CAPZA2: variants seen among roughly 807,000 people sequenced by gnomAD.
The protein encoded by CAPZA2 is F-actin-capping protein subunit alpha-2.
CAPZA2 carries 13 observed loss-of-function variants against 44.0 expected under a neutral mutation model. The observed-to-expected ratio is 0.30, with a 90% CI of 0.19 to 0.47. The LOEUF is 0.47. Among genes scored for constraint, CAPZA2 ranks in the 20% least tolerant of loss-of-function variants. CAPZA2 has a pLI of 1.00. For synonymous variants in CAPZA2, 94 were observed against 108.2 expected (o/e 0.87, Z 0.81); for missense variants, 244 against 338.6 (o/e 0.72, Z 2.19).
At chr7:116,865,686 C>G (rs1376429053) in intron 1 of CAPZA2, among the ~76,000 whole-genome samples, 1 of 152,130 alleles carries the variant, frequency 6.6e-6, no homozygotes, top group Admixed American at 6.5e-5. Context: ...AAGCAGTCCT[C>G]TCACCTCAGT....
intron 1 of CAPZA2, among the ~76,000 whole-genome samples, chr7:116,880,393 A>ATTTGTT (rs999988154): frequency 1.3e-5 from 2 of 151,820 alleles, no homozygotes; most frequent in African/African-American, 2.4e-5. Context: ...GCCTACTAGA[A>ATTTGTT]TTTGTTTTTG....
chr7:116,874,811 G>GGGC (rs1796601154), intron 1 of CAPZA2: 1 of 152,500 alleles, frequency 6.6e-6, no homozygotes, highest in African/African-American at 2.4e-5. Flanking sequence ...GAATTAGGCT[G>GGGC]GGCACGGTGG....
intron 6 of CAPZA2, among the ~76,000 whole-genome samples, chr7:116,907,285 A>G (rs887092477): frequency 2.0e-5 from 3 of 152,222 alleles, no homozygotes; most frequent in African/African-American, 7.2e-5. Context: ...AATCAATGCC[A>G]TATGTGAATG....
intron 7 of CAPZA2, among the ~76,000 whole-genome samples, chr7:116,910,575 A>G (rs567894157): frequency 6.6e-6 from 1 of 152,150 alleles, no homozygotes; most frequent in Non-Finnish European, 1.5e-5. Flanking sequence ...TGCTCTTCAG[A>G]TACAATTTGT....
chr7:116,900,853 T>A (rs945226339), intron 4 of CAPZA2, among the ~76,000 whole-genome samples: 6 of 152,042 alleles, frequency 3.9e-5, no homozygotes, highest in Admixed American at 3.9e-4. Context: ...GCAAAGGATA[T>A]GAACAGACAC....
chr7:116,879,240 C>T (rs987429844), intron 1 of CAPZA2, among the ~76,000 whole-genome samples: 16 of 151,920 alleles, frequency 1.1e-4, no homozygotes, highest in African/African-American at 3.9e-4. Flanking sequence ...TTTATTCACC[C>T]AAGGTCACAT....
intron 1 of CAPZA2, among the ~76,000 whole-genome samples, chr7:116,885,432 C>T (rs1272766470): frequency 6.6e-6 from 1 of 151,930 alleles, no homozygotes; most frequent in East Asian, 1.9e-4. Flanking sequence ...AAAAATCAAG[C>T]AATCAGTTCT....
chr7:116,868,353 C>G (rs1228087037), intron 1 of CAPZA2, among the ~76,000 whole-genome samples: 1 of 152,168 alleles, frequency 6.6e-6, no homozygotes, highest in Admixed American at 6.5e-5. Context: ...ATATACTTCT[C>G]CCTCAGTGAC....
chr7:116,880,696 C>CTTTTTTTTTTTGTTTTTTTTTTTTTTT (rs1796684162), intron 1 of CAPZA2, among the ~76,000 whole-genome samples: 1 of 24,686 alleles, frequency 4.1e-5, no homozygotes, highest in Non-Finnish European at 8.0e-5. Flanking sequence ...TGTAACCTGC[C>CTTTTTTTTTTTGTTTTTTTTTTTTTTT]TTTTTTTTTT....
intron 1 of CAPZA2, among the ~76,000 whole-genome samples, chr7:116,887,681 A>G (rs1487810947): frequency 6.6e-6 from 1 of 151,962 alleles, no homozygotes; most frequent in Non-Finnish European, 1.5e-5. Flanking sequence ...AAAATACAAA[A>G]AATTAGCTGG....
chr7:116,914,471 G>A (rs1270225659), intron 8 of CAPZA2, among the ~76,000 whole-genome samples: 3 of 107,464 alleles, frequency 2.8e-5, no homozygotes, highest in South Asian at 3.7e-4. Flanking sequence ...ACACACACAC[G>A]TATTTTTTTG....
chr7:116,862,748 C>A (rs2115853844), intron 1 of CAPZA2, 98 bp downstream of exon 1: 1 of 1,339,542 alleles, frequency 7.5e-7, no homozygotes, highest in Non-Finnish European at 1.0e-6. Context: ...CATTGGCCCG[C>A]AGCTGGCCTT....
At chr7:116,875,589 C>G (rs761966242) in intron 1 of CAPZA2, 2 of 151,846 alleles carry the variant, frequency 1.3e-5, no homozygotes, top group Non-Finnish European at 2.9e-5. Context: ...CTCTGTCAGC[C>G]AAGCTGGAGT....
In CAPZA2 at chr7:116,888,188, A is replaced by G. The variant is rs1796787933; in HGVS notation, c.101A>G (p.Asn34Ser). Residue 34 changes from asparagine (N) to serine (S), a missense_variant and splice_region_variant, in exon 2 of 10, where the codon AAT (asparagine) becomes AGT (serine). Physicochemically the swap from Asn to Ser is conservative, Grantham distance 46. Transcript: ENST00000361183. ...APPGEFNEVF[N>S]DVRLLLNNDN... ...CCTGGAGAATTTAATGAGGTTTTCA[A>G]TGGTGAGTGTTTGATTTATAACACT... The G allele has an allele frequency of 6.2e-7, 1 of 1,603,238 alleles. No homozygotes were observed. The highest frequency in any genetic ancestry group is 8.5e-7 in the Non-Finnish European group (1 of 1,171,716).
At chr7:116,892,168 T>C (rs906049182) in intron 2 of CAPZA2, among the ~76,000 whole-genome samples, 2 of 152,192 alleles carry the variant, frequency 1.3e-5, no homozygotes, top group African/African-American at 4.8e-5. Context: ...ACACTCTATG[T>C]AAGAATTATA....
intron 1 of CAPZA2, among the ~76,000 whole-genome samples, chr7:116,882,269 C>G (rs1796712009): frequency 6.6e-6 from 1 of 152,166 alleles, no homozygotes; most frequent in Admixed American, 6.5e-5. Flanking sequence ...GCTAGAATTA[C>G]TGTGGTGGTC....
chr7:116,889,759 A>G (rs145814120), intron 2 of CAPZA2, among the ~76,000 whole-genome samples: 370 of 152,336 alleles, frequency 2.4e-3, no homozygotes, highest in African/African-American at 8.1e-3. Flanking sequence ...AAATTTAACT[A>G]CTGAGCTGTA....
At chr7:116,894,216 G>C (rs1796894661) in intron 3 of CAPZA2, among the ~76,000 whole-genome samples, 1 of 152,094 alleles carries the variant, frequency 6.6e-6, no homozygotes, top group Non-Finnish European at 1.5e-5. Context: ...AGAAAAATTA[G>C]CTGAGCATGG....
In CAPZA2 at chr7:116,893,699, A is replaced by T. The variant is rs563925042; in HGVS notation, c.155+654A>T. Reference sequence around the variant, plus strand: ...GATTTTGCATTTTCTTTTATGTTTGACCCTAATAGCTTTTGAGAGCTTTTA... The same window carrying T: ...GATTTTGCATTTTCTTTTATGTTTGTCCCTAATAGCTTTTGAGAGCTTTTA... On this transcript the variant is annotated intron_variant, in intron 3 of 9. Transcript: ENST00000361183. 7.4e-4 allele frequency among the ~76,000 whole-genome samples: 113 copies of T among 152,186 alleles called. 1 individual carries two copies. The highest frequency in any genetic ancestry group is 2.5e-3 in the African/African-American group (102 of 41,536).
Sources: gnomAD v4.1 joint callset for allele counts (sites outside exome capture counted in the v4.1 genomes callset) on GRCh38, gnomAD v4.1.1 for gene constraint, MANE v1.5 for transcripts, NCBI Gene and HGNC (gene_info 2026-07-23, HGNC 2026-07-21) for gene names.